Variants in CCNI observed in about 807,000 individuals in gnomAD.
The protein encoded by CCNI is cyclin I.
CCNI carries 14 observed loss-of-function variants against 34.1 expected under a neutral mutation model. The observed-to-expected ratio is 0.41, with a 90% CI of 0.27 to 0.64. CCNI has a LOEUF of 0.64. CCNI is among the 30% of genes least tolerant of loss of function. The pLI, the probability that CCNI is intolerant of heterozygous loss-of-function variation, is 0.31. For missense variants in CCNI, 385 were observed against 440.5 expected (o/e 0.87, Z 1.13); for synonymous variants, 154 against 158.4 (o/e 0.97, Z 0.21).
At chr4:77,056,588 T>A (rs954174169) in intron 3 of CCNI, 5 of 73,274 alleles carry the variant, frequency 6.8e-5, no homozygotes, top group Non-Finnish European at 9.7e-5. Context: ...AGAGCTAACT[T>A]TTTTTTTTTT....
Position 77,056,535 on chromosome 4 carries a change from T to C in CCNI, c.244-212A>G, listed in dbSNP as rs1192961740. ...AGTTTATTAAAAAGCTTTAGAGCAG[T>C]AATGAAAGGAAGGAAAGTACACTTG... On this transcript the variant is annotated intron_variant, in intron 3 of 6. Transcript: ENST00000237654. The C allele has an allele frequency of 2.1e-5, 11 of 513,336 alleles. No homozygotes were observed. In the East Asian group the frequency reaches 3.1e-4, roughly 15 times the overall value. 31.8% of individuals were successfully genotyped at this position (513,336 alleles called of 1,614,324 possible). A position where few individuals can be genotyped will look rare whatever the true frequency, so the allele number is the denominator to read the frequency against.
intron 1 of CCNI, among the ~76,000 whole-genome samples, chr4:77,066,661 C>T (rs1205611366): frequency 6.6e-6 from 1 of 152,160 alleles, no homozygotes; most frequent in Non-Finnish European, 1.5e-5. Flanking sequence ...CTGATCAAAA[C>T]ATGTTATTAC....
chr4:77,055,446 A>C, intron 5 of CCNI, 66 bp from the exon 6 acceptor site: 1 of 1,000,170 alleles, frequency 1.0e-6, no homozygotes, highest in East Asian at 2.6e-5. Context: ...ATAGAAATTG[A>C]TGCAACCTAT....
At position 77,075,600 on chromosome 4, in the gene CCNI, C is replaced by G. The variant is rs1166943766; in HGVS notation, c.-172G>C. The stretch of plus-strand genomic sequence containing the variant: ...GCGCGCGGAGGCGGTGCGCGCGGGA[C>G]GACTCGGCCAACTGAGGAGGGAGAA... On this transcript the variant is annotated 5_prime_UTR_variant, in exon 1 of 7. Coordinates refer to ENST00000237654, the MANE Select transcript of CCNI (RefSeq NM_006835.3). 2.0e-6 allele frequency: 2 copies of G among 986,792 alleles called. No individual in the cohort carries two copies. The highest frequency in any genetic ancestry group is 3.5e-5 in the African/African-American group (2 of 57,276). The allele number at this position is 986,792 out of a possible 1,614,324, so 61.1% of individuals were successfully genotyped here. A position where few individuals can be genotyped will look rare whatever the true frequency, so the allele number is the denominator to read the frequency against.
In CCNI at chr4:77,056,203, A is replaced by G. The variant is rs4252898; in HGVS notation, c.318+46T>C. ...AAACGAAGCAAGTTAATAAATGTGGAGAGAAATTTTCACGGAAGAAACATT... is the reference window on the plus strand; with the variant it reads ...AAACGAAGCAAGTTAATAAATGTGGGGAGAAATTTTCACGGAAGAAACATT... On this transcript the variant is annotated intron_variant, in intron 4 of 6. Transcript: ENST00000237654. The G allele has an allele frequency of 1.1e-3, 1,825 of 1,595,462 alleles. 21 individuals carry two copies. In the African/African-American group the frequency reaches 0.021, roughly 19 times the overall value.
chr4:77,048,086 A>T lies in CCNI; in HGVS notation c.*133T>A, dbSNP rs1257115249. The T allele has an allele frequency of 5.2e-5, 27 of 522,132 alleles. No homozygotes were observed. The highest frequency in any genetic ancestry group is 2.5e-4 in the East Asian group (8 of 32,050). 32.3% of individuals were successfully genotyped at this position (522,132 alleles called of 1,614,324 possible). On this transcript the variant is annotated 3_prime_UTR_variant, in exon 7 of 7. Transcript: ENST00000237654. ...TAGCCACACAAATAATGAGAGTTTT[A>T]TTTTTTTTTTCTGGCTCACTCCAAA... is the stretch of plus-strand genomic sequence containing the variant.
intron 3 of CCNI, 168 bp from the exon 4 acceptor site, chr4:77,056,491 C>G: frequency 1.7e-6 from 1 of 576,728 alleles, no homozygotes. Flanking sequence ...TCAGAGCTAA[C>G]TTTAAGAACA....
Position 77,048,396 on chromosome 4 carries a change from G to T in CCNI, c.957C>A (p.Thr319=). ...HLPAASGCKQ[T]STKRKVEEME... ...TTTCCTCTACTTTGCGTTTAGTAGA[G>T]GTCTGCTTGCACCCACTGGCAGCTG... The change falls in exon 7 of 7, where the codon ACC becomes ACA. Residue 319 remains threonine (T), a synonymous_variant. Coordinates refer to ENST00000237654, the MANE Select transcript of CCNI (RefSeq NM_006835.3). 6.2e-7 allele frequency: 1 copy of T among 1,614,078 alleles called. No homozygotes were observed. The highest frequency in any genetic ancestry group is 2.2e-5 in the East Asian group (1 of 44,874).
chr4:77,055,977 C>A lies in CCNI; in HGVS notation c.444G>T (p.Leu148Phe). The change falls in exon 5 of 7, where the codon TTG (leucine) becomes TTT (phenylalanine). Residue 148 changes from leucine to phenylalanine, a missense_variant. By Grantham distance (22) the Leu-to-Phe change is conservative. Around this residue, in one of 2 missense-constraint regions of CCNI, gnomAD observed 135 missense variants for 191.8 expected, o/e 0.70. Coordinates refer to ENST00000237654, the MANE Select transcript of CCNI (RefSeq NM_006835.3). ...LNWDLHTATP[L>F]DFLHIFHAIA... ...GTATATTTACAATATGAAGAAAATC[C>A]AATGGTGTGGCTGTGTGAAGATCCC... is the stretch of plus-strand genomic sequence containing the variant. 1 of 1,611,050 alleles carries A rather than the reference C, an allele frequency of 6.2e-7. No individual in the cohort carries two copies. Among genetic ancestry groups the A allele is most frequent in the Non-Finnish European group, 8.5e-7 (1 of 1,178,678 alleles).
At chr4:77,069,790 C>CTG (rs1729326968) in intron 1 of CCNI, among the ~76,000 whole-genome samples, 1 of 152,002 alleles carries the variant, frequency 6.6e-6, no homozygotes, top group Admixed American at 6.6e-5. Context: ...TACCAACCCA[C>CTG]TGTGTGTGGG....
At chr4:77,053,690 T>C (rs1292904368) in intron 6 of CCNI, among the ~76,000 whole-genome samples, 1 of 152,214 alleles carries the variant, frequency 6.6e-6, no homozygotes, top group Non-Finnish European at 1.5e-5. Context: ...TTTAGAGAGA[T>C]GTCATTTGTT....
rs1411946296 is a variant in CCNI at position 77,075,503 on chromosome 4, C to T, written c.-75G>A. On this transcript the variant is annotated 5_prime_UTR_variant, in exon 1 of 7. Coordinates refer to ENST00000237654, the MANE Select transcript of CCNI (RefSeq NM_006835.3). ...CTCCTCTTCCTCCTCCTCCTCCTCC[C>T]CGGCAGAGCTGTAGGCCTCACAGTG... The T allele has an allele frequency of 1.2e-5, 12 of 987,068 alleles. 1 individual carries two copies. The South Asian group carries it at 5.1e-4, about 42-fold the overall frequency. 61.1% of individuals were successfully genotyped at this position (987,068 alleles called of 1,614,324 possible). A position where few individuals can be genotyped will look rare whatever the true frequency, so the allele number is the denominator to read the frequency against.
intron 1 of CCNI, 51 bp downstream of exon 1, chr4:77,075,421 A>C: frequency 2.5e-6 from 2 of 802,812 alleles, no homozygotes; most frequent in Non-Finnish European, 3.0e-6. Flanking sequence ...CAGCGCGTCG[A>C]CGCCGGCCGC....
At chr4:77,052,044 T>C (rs933269433) in intron 6 of CCNI, among the ~76,000 whole-genome samples, 3 of 151,898 alleles carry the variant, frequency 2.0e-5, no homozygotes, top group African/African-American at 7.3e-5. Context: ...ATGCTGAGGT[T>C]TGGAGTACAA....
intron 2 of CCNI, among the ~76,000 whole-genome samples, chr4:77,061,216 G>C (rs545618957): frequency 1.3e-5 from 2 of 152,282 alleles, no homozygotes; most frequent in African/African-American, 4.8e-5. Context: ...CTGAGTCTAA[G>C]GTCACTTTTT....
Position 77,056,341 on chromosome 4 carries a change from G to A in CCNI, c.244-18C>T. On this transcript the variant is annotated intron_variant, in intron 3 of 6. Coordinates refer to ENST00000237654, the MANE Select transcript of CCNI (RefSeq NM_006835.3). Reference sequence around the variant, plus strand: ...GGATGAGCCTAAAATTTTGAAGAGGGAAAAAGCAACTTTAGTGATTTTTCA... The same window carrying A: ...GGATGAGCCTAAAATTTTGAAGAGGAAAAAAGCAACTTTAGTGATTTTTCA... 1.3e-6 allele frequency: 2 copies of A among 1,584,444 alleles called. No individual in the cohort carries two copies. The highest frequency in any genetic ancestry group is 1.7e-6 in the Non-Finnish European group (2 of 1,156,088).
chr4:77,067,439 G>C (rs997721239), intron 1 of CCNI, among the ~76,000 whole-genome samples: 2 of 152,090 alleles, frequency 1.3e-5, no homozygotes, highest in African/African-American at 4.8e-5. Flanking sequence ...TGTCTAAATA[G>C]CAAGTTTAGC....
At chr4:77,066,758 A>G (rs1207927034) in intron 1 of CCNI, among the ~76,000 whole-genome samples, 1 of 152,240 alleles carries the variant, frequency 6.6e-6, no homozygotes, top group Non-Finnish European at 1.5e-5. Flanking sequence ...TTAAAAACCT[A>G]ATCAGATAAG....
At chr4:77,065,671 T>C (rs1049275652) in intron 2 of CCNI, among the ~76,000 whole-genome samples, 1 of 152,212 alleles carries the variant, frequency 6.6e-6, no homozygotes, top group African/African-American at 2.4e-5. Context: ...ACTGTTAGTA[T>C]AGATTATGAT....
Sources: gnomAD v4.1 joint callset for allele counts (sites outside exome capture counted in the v4.1 genomes callset) on GRCh38, gnomAD v4.1.1 for gene constraint, gnomAD v4.1.1 regional missense constraint, MANE v1.5 for transcripts, NCBI Gene and HGNC (gene_info 2026-07-23, HGNC 2026-07-21) for gene names.